Variants in PPP3CA observed in about 807,000 individuals in gnomAD.
PPP3CA encodes the protein CAM-PRP catalytic subunit.
PPP3CA carries 14 observed loss-of-function variants against 66.5 expected under a neutral mutation model. The ratio of observed to expected loss-of-function variants is 0.21; its 90% CI spans 0.14 to 0.33. The LOEUF is 0.33. Among genes scored for constraint, PPP3CA ranks in the 10% least tolerant of loss-of-function variants. PPP3CA has a pLI of 1.00. For missense variants in PPP3CA, 317 were observed against 639.5 expected, an observed-to-expected ratio of 0.50 and a Z score of 5.44; for synonymous variants, 232 against 226.2, an observed-to-expected ratio of 1.03 and a Z score of -0.23.
intron 2 of PPP3CA, among the ~76,000 whole-genome samples, chr4:101,186,621 A>G (rs1724418034): frequency 6.6e-6 from 1 of 152,104 alleles, no homozygotes; most frequent in African/African-American, 2.4e-5. Context: ...TGATAGCGCA[A>G]AATATGTTCA....
chr4:101,096,048 T>C (rs1336176362), intron 5 of PPP3CA, among the ~76,000 whole-genome samples: 15 of 152,124 alleles, frequency 9.9e-5, no homozygotes, highest in African/African-American at 1.4e-4. Flanking sequence ...AAGTGTGAAA[T>C]AGTGTCTTGC....
At chr4:101,342,960 T>C (rs992729231) in intron 1 of PPP3CA, among the ~76,000 whole-genome samples, 3 of 152,164 alleles carry the variant, frequency 2.0e-5, no homozygotes, top group African/African-American at 7.2e-5. Context: ...TTAGCATCTT[T>C]CAGAATTCTC....
chr4:101,278,828 G>A (rs533402980), intron 1 of PPP3CA, among the ~76,000 whole-genome samples: 8 of 152,142 alleles, frequency 5.3e-5, no homozygotes, highest in Non-Finnish European at 7.4e-5. Context: ...AATCACCCCC[G>A]TGGACATCTG....
intron 1 of PPP3CA, among the ~76,000 whole-genome samples, chr4:101,201,778 C>A (rs1407687074): frequency 6.6e-6 from 1 of 152,244 alleles, no homozygotes; most frequent in Non-Finnish European, 1.5e-5. Flanking sequence ...AAAACACTTT[C>A]TGGCCTGACC....
At chr4:101,314,701 T>C (rs1385088031) in intron 1 of PPP3CA, among the ~76,000 whole-genome samples, 1 of 151,480 alleles carries the variant, frequency 6.6e-6, no homozygotes, top group African/African-American at 2.4e-5. Context: ...ATGAAAAATA[T>C]CTACCAATAT....
chr4:101,127,308 C>A (rs150025094), intron 2 of PPP3CA, among the ~76,000 whole-genome samples: 3 of 152,072 alleles, frequency 2.0e-5, no homozygotes, highest in South Asian at 2.1e-4. Context: ...ATGTTGATGA[C>A]CTAACCCCTG....
Position 101,130,471 on chromosome 4 carries a change from G to A in PPP3CA, c.260-21393C>T, listed in dbSNP as rs529184279. ...TTGTCAGATTAACCAAGGTTGAAAT[G>A]AAGGAAAAAATGTAAAGAGCAGCCA... On this transcript the variant is annotated intron_variant, in intron 2 of 13. Transcript: ENST00000394854. Among the ~76,000 whole-genome samples the A allele has an allele frequency of 3.3e-5, 5 of 152,234 alleles. No homozygotes were observed. In the East Asian group the frequency reaches 9.6e-4, roughly 29 times the overall value.
intron 3 of PPP3CA, among the ~76,000 whole-genome samples, chr4:101,106,415 AAG>A (rs1730694544): frequency 8.7e-5 from 1 of 11,510 alleles, no homozygotes; most frequent in African/African-American, 2.8e-4. Context: ...GAAAGAAAGA[AAG>A]AAAGAAAGAA....
At position 101,346,730 on chromosome 4, in the gene PPP3CA, T is replaced by A; in HGVS notation, c.58+9A>T. 1.2e-6 allele frequency: 2 copies of A among 1,609,750 alleles called. No homozygotes were observed. On this transcript the variant is annotated intron_variant, in intron 1 of 13. Coordinates refer to ENST00000394854, the MANE Select transcript of PPP3CA (RefSeq NM_000944.5). ...CGGTGCACCCAGGCCACCGCGGCGCTCCGCTTACCTTTCACCACCCTGTCG... is the reference window on the plus strand; with the variant it reads ...CGGTGCACCCAGGCCACCGCGGCGCACCGCTTACCTTTCACCACCCTGTCG...
intron 1 of PPP3CA, among the ~76,000 whole-genome samples, chr4:101,302,738 T>C (rs184668224): frequency 9.2e-5 from 14 of 152,294 alleles, no homozygotes; most frequent in African/African-American, 2.4e-4. Context: ...ATCATTCCAA[T>C]TGAGAAAGGG....
At chr4:101,130,090 A>C (rs1206083076) in intron 2 of PPP3CA, among the ~76,000 whole-genome samples, 1 of 152,078 alleles carries the variant, frequency 6.6e-6, no homozygotes, top group African/African-American at 2.4e-5. Context: ...GAGCACGAGA[A>C]CTTAATGAAG....
chr4:101,261,474 C>A (rs959660339), intron 1 of PPP3CA, among the ~76,000 whole-genome samples: 1 of 151,954 alleles, frequency 6.6e-6, no homozygotes, highest in Non-Finnish European at 1.5e-5. Flanking sequence ...ATTATTGCTG[C>A]ATAATATTTA....
intron 2 of PPP3CA, among the ~76,000 whole-genome samples, chr4:101,190,344 T>G (rs1239396220): frequency 1.3e-5 from 2 of 152,178 alleles, no homozygotes; most frequent in East Asian, 3.8e-4. Flanking sequence ...CCAAAGGTGC[T>G]TAAATATGTC....
At position 101,065,516 on chromosome 4, in the gene PPP3CA, A is replaced by G. The variant is rs537323079; in HGVS notation, c.956-2159T>C. On this transcript the variant is annotated intron_variant, in intron 8 of 13. Transcript: ENST00000394854. The stretch of plus-strand genomic sequence containing the variant: ...GCTTTATATAATAATCCGCACAACA[A>G]ATCTGAGAAGCAGGTGTGACTGCCC... Among the ~76,000 whole-genome samples, 9 of 152,168 alleles carry G rather than the reference A, an allele frequency of 5.9e-5. No individual in the cohort carries two copies. The East Asian group carries it at 1.7e-3, about 29-fold the overall frequency.
intron 1 of PPP3CA, among the ~76,000 whole-genome samples, chr4:101,246,137 C>G (rs1371651076): frequency 6.6e-6 from 1 of 152,148 alleles, no homozygotes; most frequent in Non-Finnish European, 1.5e-5. Context: ...GCATAAACTC[C>G]TTAAATAAAG....
chr4:101,287,388 G>T (rs894255578), intron 1 of PPP3CA, among the ~76,000 whole-genome samples: 2 of 152,122 alleles, frequency 1.3e-5, no homozygotes, highest in African/African-American at 2.4e-5. Context: ...ATCACCAAAA[G>T]ATATAGAAAT....
At chr4:101,181,407 C>T (rs559082328) in intron 2 of PPP3CA, among the ~76,000 whole-genome samples, 1 of 151,938 alleles carries the variant, frequency 6.6e-6, no homozygotes, top group Non-Finnish European at 1.5e-5. Context: ...GGTAACATAA[C>T]AAAGCTCAAA....
intron 1 of PPP3CA, among the ~76,000 whole-genome samples, chr4:101,242,342 T>A (rs1335945895): frequency 1.3e-5 from 2 of 152,244 alleles, no homozygotes; most frequent in South Asian, 4.1e-4. Flanking sequence ...AAAACATACT[T>A]ATGTGAGATG....
chr4:101,054,048 A>C (rs1479913653), intron 10 of PPP3CA, among the ~76,000 whole-genome samples: 2 of 152,054 alleles, frequency 1.3e-5, no homozygotes, highest in Non-Finnish European at 2.9e-5. Context: ...GTTAGGCTTC[A>C]ATGTTGACAG....
Sources: gnomAD v4.1 joint callset for allele counts (sites outside exome capture counted in the v4.1 genomes callset) on GRCh38, gnomAD v4.1.1 for gene constraint, MANE v1.5 for transcripts, NCBI Gene and HGNC (gene_info 2026-07-23, HGNC 2026-07-21) for gene names.